The following NDUFAF2 variants were observed in gnomAD, a reference collection of about 807,000 sequenced individuals.
NDUFAF2 encodes NADH:ubiquinone oxidoreductase complex assembly factor 2.
Under a neutral mutation model 22.8 loss-of-function variants are expected in NDUFAF2, and 13 were observed. That is an observed-to-expected ratio of 0.57 (90% CI 0.37 to 0.91). NDUFAF2 has a LOEUF of 0.91. Among genes scored for constraint, NDUFAF2 ranks in the 40% least tolerant of loss-of-function variants. The probability of loss-of-function intolerance (pLI) is 0.01; values close to 1 mark genes in which losing one functional copy is unlikely to be tolerated. For missense variants in NDUFAF2, 162 were observed against 195.2 expected, an observed-to-expected ratio of 0.83 and a Z score of 1.01; for synonymous variants, 53 against 64.2, an observed-to-expected ratio of 0.83 and a Z score of 0.84.
chr5:60,946,986 A>G (rs1276291955), intron 1 of NDUFAF2, among the ~76,000 whole-genome samples: 3 of 152,232 alleles, frequency 2.0e-5, no homozygotes, highest in Non-Finnish European at 2.9e-5. Context: ...GCTCAGTAGT[A>G]TTCCATTGTA....
chr5:61,141,223 G>A (rs538641904), intron 3 of NDUFAF2, among the ~76,000 whole-genome samples: 1 of 101,362 alleles, frequency 9.9e-6, no homozygotes, highest in African/African-American at 3.2e-5. Flanking sequence ...GCGAAACTCC[G>A]TCTCAAAAAA....
At chr5:60,966,718 G>A (rs890103322) in intron 1 of NDUFAF2, among the ~76,000 whole-genome samples, 11 of 152,098 alleles carry the variant, frequency 7.2e-5, no homozygotes, top group Middle Eastern at 3.4e-3. Context: ...TGGTCTTTGC[G>A]CTAATACCAT....
At chr5:60,999,290 A>G (rs971007581) in intron 1 of NDUFAF2, among the ~76,000 whole-genome samples, 20 of 152,096 alleles carry the variant, frequency 1.3e-4, no homozygotes, top group Admixed American at 1.3e-3. Flanking sequence ...ACTATTTACA[A>G]TAGCCAAAAG....
chr5:60,978,573 C>A (rs151174168), intron 1 of NDUFAF2, among the ~76,000 whole-genome samples: 1 of 152,102 alleles, frequency 6.6e-6, no homozygotes, highest in African/African-American at 2.4e-5. Flanking sequence ...CTCACTATTG[C>A]GATGATAGCA....
chr5:61,136,799 T>C (rs925783371), intron 3 of NDUFAF2, among the ~76,000 whole-genome samples: 4 of 152,088 alleles, frequency 2.6e-5, no homozygotes, highest in Admixed American at 2.0e-4. Flanking sequence ...CATCACAGAG[T>C]TGTTCCATTG....
intron 2 of NDUFAF2, among the ~76,000 whole-genome samples, chr5:61,082,536 T>C (rs1004273252): frequency 1.3e-5 from 2 of 152,150 alleles, no homozygotes; most frequent in Admixed American, 6.6e-5. Context: ...GTGAACATGG[T>C]ACCCTCCCTA....
chr5:61,074,543 C>T (rs1313626920), intron 2 of NDUFAF2, among the ~76,000 whole-genome samples: 3 of 151,802 alleles, frequency 2.0e-5, no homozygotes, highest in Admixed American at 6.6e-5. Context: ...GCCAAGATCA[C>T]GCCACTGCAC....
intron 3 of NDUFAF2, among the ~76,000 whole-genome samples, chr5:61,139,290 A>G (rs1741015256): frequency 2.0e-5 from 3 of 152,310 alleles, no homozygotes; most frequent in East Asian, 1.9e-4. Context: ...CTGCTGCTCA[A>G]TGCCACCACC....
intron 1 of NDUFAF2, among the ~76,000 whole-genome samples, chr5:61,033,165 A>G (rs1751750323): frequency 6.6e-6 from 1 of 152,146 alleles, no homozygotes; most frequent in Non-Finnish European, 1.5e-5. Flanking sequence ...GTTTATAGCA[A>G]TTGTGAATGG....
intron 1 of NDUFAF2, among the ~76,000 whole-genome samples, chr5:61,040,021 T>A (rs1392898907): frequency 6.6e-6 from 1 of 152,152 alleles, no homozygotes. Flanking sequence ...GTTGAACACT[T>A]GAACTTGAAG....
At chr5:61,035,516 A>C (rs1486373984) in intron 1 of NDUFAF2, among the ~76,000 whole-genome samples, 1 of 150,134 alleles carries the variant, frequency 6.7e-6, no homozygotes, top group Non-Finnish European at 1.5e-5. Context: ...CATAAAGGAA[A>C]TATCCAGCAA....
chr5:61,113,566 T>C (rs1042988694), intron 3 of NDUFAF2, among the ~76,000 whole-genome samples: 1 of 152,144 alleles, frequency 6.6e-6, no homozygotes, highest in Non-Finnish European at 1.5e-5. Flanking sequence ...GCTGATCTCA[T>C]GATAGTAAGT....
At chr5:61,075,651 C>A (rs1043884286) in intron 2 of NDUFAF2, among the ~76,000 whole-genome samples, 13 of 152,072 alleles carry the variant, frequency 8.5e-5, no homozygotes, top group Admixed American at 1.3e-4. Flanking sequence ...CTTTTTATGG[C>A]TGTCCTGATC....
chr5:61,082,777 G>A (rs899729565), intron 2 of NDUFAF2, among the ~76,000 whole-genome samples: 1 of 152,094 alleles, frequency 6.6e-6, no homozygotes, highest in Non-Finnish European at 1.5e-5. Context: ...ACAATTGATG[G>A]GTATCTAAGT....
At chr5:61,062,187 A>G (rs1210806189) in intron 1 of NDUFAF2, among the ~76,000 whole-genome samples, 1 of 152,188 alleles carries the variant, frequency 6.6e-6, no homozygotes, top group Non-Finnish European at 1.5e-5. Context: ...CTACAAAACA[A>G]AATAATTCTT....
At chr5:60,971,341 G>A (rs1750826153) in intron 1 of NDUFAF2, among the ~76,000 whole-genome samples, 1 of 149,408 alleles carries the variant, frequency 6.7e-6, no homozygotes, top group Admixed American at 6.7e-5. Flanking sequence ...AGGCTGGAGT[G>A]CAGTGGCTGA....
intron 3 of NDUFAF2, 33 bp downstream of exon 3, chr5:61,099,065 G>C: frequency 2.0e-6 from 3 of 1,511,512 alleles, no homozygotes; most frequent in Non-Finnish European, 2.7e-6. Flanking sequence ...TCATTTAGGA[G>C]TATATATTCC....
At chr5:61,109,593 A>C (rs925411124) in intron 3 of NDUFAF2, among the ~76,000 whole-genome samples, 3 of 152,160 alleles carry the variant, frequency 2.0e-5, no homozygotes, top group Non-Finnish European at 4.4e-5. Context: ...GTCCCCACCC[A>C]TATCTCATCT....
At chr5:61,063,044 A>G (rs1752185350) in intron 1 of NDUFAF2, among the ~76,000 whole-genome samples, 1 of 152,172 alleles carries the variant, frequency 6.6e-6, no homozygotes. Flanking sequence ...TCCATACAAG[A>G]CATACTTAAG....
Sources: gnomAD v4.1 joint callset for allele counts (sites outside exome capture counted in the v4.1 genomes callset) on GRCh38, gnomAD v4.1.1 for gene constraint, MANE v1.5 for transcripts, NCBI Gene and HGNC (gene_info 2026-07-23, HGNC 2026-07-21) for gene names.